The following SIPA1L1 variants were observed in gnomAD, a reference collection of about 807,000 sequenced individuals.
SIPA1L1 encodes signal-induced proliferation-associated 1-like protein 1.
SIPA1L1 carries 26 observed loss-of-function variants against 162.7 expected under a neutral mutation model. That is an observed-to-expected ratio of 0.16 (90% confidence interval 0.12 to 0.22). The LOEUF is 0.22. SIPA1L1 is among the 10% of genes least tolerant of loss of function. The pLI, the probability that SIPA1L1 is intolerant of heterozygous loss-of-function variation, is 1.00. For missense variants in SIPA1L1, 1,874 were observed against 2,241.0 expected (o/e 0.84, Z 3.31); for synonymous variants, 829 against 837.4 (o/e 0.99, Z 0.17).
intron 4 of SIPA1L1, among the ~76,000 whole-genome samples, chr14:71,539,196 C>A (rs527355124): frequency 6.6e-6 from 1 of 152,300 alleles, no homozygotes; most frequent in South Asian, 2.1e-4. Flanking sequence ...TGCTCCTTGG[C>A]CCGTTTTCCA....
At chr14:71,451,269 A>G (rs80350246) in intron 2 of SIPA1L1, among the ~76,000 whole-genome samples, 81 of 152,234 alleles carry the variant, frequency 5.3e-4, no homozygotes, top group African/African-American at 1.9e-3. Context: ...GGAGGGGGAT[A>G]TTTGATAAAA....
intron 2 of SIPA1L1, chr14:71,418,337 C>T (rs913436082): frequency 6.6e-6 from 1 of 152,106 alleles, no homozygotes; most frequent in African/African-American, 2.4e-5. Context: ...CCATGTTGCC[C>T]ACTTTCTTGA....
At chr14:71,433,755 G>T (rs1182434787) in intron 2 of SIPA1L1, among the ~76,000 whole-genome samples, 3 of 152,112 alleles carry the variant, frequency 2.0e-5, no homozygotes, top group Admixed American at 6.6e-5. Flanking sequence ...CATTGAAAAG[G>T]ATTTTAATAC....
At chr14:71,627,951 A>G (rs543972950) in intron 7 of SIPA1L1, among the ~76,000 whole-genome samples, 4 of 152,050 alleles carry the variant, frequency 2.6e-5, no homozygotes, top group Non-Finnish European at 4.4e-5. Context: ...ATTTCTAACT[A>G]GGAATTCAGT....
chr14:71,611,071 G>C (rs2038152559), intron 5 of SIPA1L1, among the ~76,000 whole-genome samples: 1 of 152,124 alleles, frequency 6.6e-6, no homozygotes, highest in Non-Finnish European at 1.5e-5. Context: ...CGAAGTCCTA[G>C]GCTGTTTAGT....
intron 4 of SIPA1L1, among the ~76,000 whole-genome samples, chr14:71,542,346 T>C (rs1000861451): frequency 6.2e-5 from 8 of 128,748 alleles, no homozygotes; most frequent in African/African-American, 1.1e-4. Context: ...TCCTCCTCCT[T>C]CTTTCCTCTT....
intron 5 of SIPA1L1, among the ~76,000 whole-genome samples, chr14:71,615,506 G>A (rs551001465): frequency 5.9e-5 from 9 of 152,268 alleles, no homozygotes; most frequent in South Asian, 4.1e-4. Flanking sequence ...AGTGGCAGTC[G>A]GATGAGAAAA....
chr14:71,322,850 G>C (rs549035967), intron 2 of SIPA1L1, among the ~76,000 whole-genome samples: 2 of 152,212 alleles, frequency 1.3e-5, no homozygotes, highest in Non-Finnish European at 2.9e-5. Context: ...TGTTGCTGTT[G>C]TTAGCTTCTC....
intron 19 of SIPA1L1, among the ~76,000 whole-genome samples, chr14:71,727,802 T>A (rs2084379677): frequency 6.6e-6 from 1 of 152,192 alleles, no homozygotes; most frequent in Non-Finnish European, 1.5e-5. Flanking sequence ...CCTTTAAGAC[T>A]GGAGTTAAAG....
intron 2 of SIPA1L1, among the ~76,000 whole-genome samples, chr14:71,361,012 T>C (rs2037757709): frequency 6.6e-6 from 1 of 152,192 alleles, no homozygotes; most frequent in African/African-American, 2.4e-5. Context: ...ATATATAGTT[T>C]ATATATATTT....
chr14:71,479,743 T>C (rs1181386002), intron 2 of SIPA1L1, among the ~76,000 whole-genome samples: 5 of 151,808 alleles, frequency 3.3e-5, no homozygotes, highest in Non-Finnish European at 5.9e-5. Flanking sequence ...TTTGCTTTGT[T>C]TTAAGACAGG....
At chr14:71,553,823 A>G (rs1207618305) in intron 4 of SIPA1L1, among the ~76,000 whole-genome samples, 1 of 152,098 alleles carries the variant, frequency 6.6e-6, no homozygotes, top group Non-Finnish European at 1.5e-5. Context: ...TTAGTGTAGA[A>G]CTGATTGATT....
At chr14:71,637,949 A>G (rs2041330332) in intron 7 of SIPA1L1, among the ~76,000 whole-genome samples, 1 of 152,224 alleles carries the variant, frequency 6.6e-6, no homozygotes, top group African/African-American at 2.4e-5. Flanking sequence ...ACAGCTGAAT[A>G]CATACAATTT....
At chr14:71,469,645 G>C (rs1345108179) in intron 2 of SIPA1L1, among the ~76,000 whole-genome samples, 1 of 152,160 alleles carries the variant, frequency 6.6e-6, no homozygotes, top group African/African-American at 2.4e-5. Flanking sequence ...CTTTGATGCA[G>C]GTCTGGACTT....
intron 2 of SIPA1L1, among the ~76,000 whole-genome samples, chr14:71,478,134 T>C (rs1281079665): frequency 6.6e-6 from 1 of 152,234 alleles, no homozygotes; most frequent in African/African-American, 2.4e-5. Context: ...GTTGAACATT[T>C]TTTCATATGC....
chr14:71,550,449 G>A (rs934245651), intron 4 of SIPA1L1, among the ~76,000 whole-genome samples: 1 of 152,044 alleles, frequency 6.6e-6, no homozygotes, highest in Non-Finnish European at 1.5e-5. Context: ...AATTTTACTT[G>A]GTGTTTCTGA....
intron 4 of SIPA1L1, among the ~76,000 whole-genome samples, chr14:71,533,983 G>T (rs1450396290): frequency 6.6e-6 from 1 of 151,948 alleles, no homozygotes; most frequent in Non-Finnish European, 1.5e-5. Context: ...CAGTACTTTG[G>T]GAGGCCAAGG....
intron 2 of SIPA1L1, among the ~76,000 whole-genome samples, chr14:71,439,801 G>A (rs1003202259): frequency 1.4e-4 from 21 of 152,322 alleles, no homozygotes; most frequent in African/African-American, 4.8e-4. Flanking sequence ...CCAGATGTGA[G>A]AGAAGTGTCT....
intron 2 of SIPA1L1, among the ~76,000 whole-genome samples, chr14:71,457,402 G>A (rs761361322): frequency 3.4e-5 from 5 of 147,078 alleles, no homozygotes; most frequent in Admixed American, 6.9e-5. Context: ...CGGTTCAAAC[G>A]GTTCTTCTGC....
Sources: allele counts gnomAD v4.1 joint callset (sites outside exome capture counted in the v4.1 genomes callset), GRCh38; gene constraint gnomAD v4.1.1; transcripts MANE v1.5; gene names NCBI Gene and HGNC (gene_info 2026-07-23, HGNC 2026-07-21).